The following SHCBP1L variants were observed in gnomAD, a reference collection of about 807,000 sequenced individuals.
The protein encoded by SHCBP1L is SHC binding and spindle associated 1 like.
SHCBP1L carries 67 observed loss-of-function variants against 62.5 expected under a neutral mutation model. The observed-to-expected ratio is 1.07, with a 90% CI of 0.88 to 1.31. SHCBP1L has a LOEUF of 1.31. Among genes scored for constraint, SHCBP1L ranks in the 40% most tolerant of loss-of-function variants. SHCBP1L has a pLI of 0.00. For synonymous variants in SHCBP1L, 284 were observed against 289.4 expected (o/e 0.98, Z 0.19); for missense variants, 823 against 809.8 (o/e 1.02, Z -0.20).
At chr1:182,934,478 T>G (rs1284631933) in intron 5 of SHCBP1L, among the ~76,000 whole-genome samples, 1 of 152,182 alleles carries the variant, frequency 6.6e-6, no homozygotes, top group Non-Finnish European at 1.5e-5. Context: ...TTTTTCTGTC[T>G]GTGTGTCTTC....
chr1:182,914,157 C>A (rs1043369960), intron 6 of SHCBP1L, among the ~76,000 whole-genome samples: 1 of 151,988 alleles, frequency 6.6e-6, no homozygotes, highest in Non-Finnish European at 1.5e-5. Context: ...GATAAACAAC[C>A]AAAAATTCTA....
intron 6 of SHCBP1L, among the ~76,000 whole-genome samples, chr1:182,924,779 A>G (rs1205203074): frequency 1.1e-4 from 11 of 102,408 alleles, no homozygotes; most frequent in African/African-American, 1.6e-4. Context: ...AAAGAAAGAA[A>G]GAAAGAAAGA....
At chr1:182,904,085 G>T in intron 8 of SHCBP1L, 95 bp downstream of exon 8, 2 of 1,426,850 alleles carry the variant, frequency 1.4e-6, no homozygotes, top group Non-Finnish European at 1.9e-6. Flanking sequence ...TCCACTAAAA[G>T]ATGAAGAAAT....
chr1:182,902,805 T>C (rs1354932136), intron 9 of SHCBP1L, among the ~76,000 whole-genome samples: 2 of 152,180 alleles, frequency 1.3e-5, no homozygotes, highest in Admixed American at 6.5e-5. Context: ...GAAAAATCTA[T>C]CCCATTTCTC....
intron 6 of SHCBP1L, among the ~76,000 whole-genome samples, chr1:182,927,103 T>C (rs1278225616): frequency 4.2e-5 from 2 of 47,404 alleles, no homozygotes; most frequent in African/African-American, 1.4e-4. Context: ...TATATATATA[T>C]ATATATATAT....
chr1:182,941,667 T>C (rs1198979818), intron 2 of SHCBP1L, among the ~76,000 whole-genome samples: 1 of 152,194 alleles, frequency 6.6e-6, no homozygotes, highest in Non-Finnish European at 1.5e-5. Context: ...GGGAGAGCCA[T>C]GATCAAAGAG....
chr1:182,930,549 GTGTA>G (rs1215084749), intron 5 of SHCBP1L, among the ~76,000 whole-genome samples: 1 of 48,840 alleles, frequency 2.0e-5, no homozygotes, highest in African/African-American at 1.8e-4. Flanking sequence ...TTTAGTGTGT[GTGTA>G]TATATATATA....
At chr1:182,944,979 G>C (rs933681571) in intron 2 of SHCBP1L, among the ~76,000 whole-genome samples, 1 of 22,722 alleles carries the variant, frequency 4.4e-5, no homozygotes, top group Non-Finnish European at 9.5e-5. Flanking sequence ...TTTTTTTTTT[G>C]AGACGGAGCC....
At chr1:182,930,695 G>GTATA (rs1650961582) in intron 5 of SHCBP1L, among the ~76,000 whole-genome samples, 3 of 74,608 alleles carry the variant, frequency 4.0e-5, no homozygotes, top group African/African-American at 2.6e-4. Flanking sequence ...GTGTGTGTGT[G>GTATA]TGTGTGTGTA....
intron 6 of SHCBP1L, among the ~76,000 whole-genome samples, chr1:182,918,638 T>C (rs1650433656): frequency 6.6e-6 from 1 of 152,184 alleles, no homozygotes; most frequent in Non-Finnish European, 1.5e-5. Context: ...GCCTTTTTTT[T>C]GAAGAAATGA....
intron 5 of SHCBP1L, among the ~76,000 whole-genome samples, chr1:182,931,090 T>C (rs1007616549): frequency 2.0e-5 from 3 of 152,080 alleles, no homozygotes; most frequent in African/African-American, 4.8e-5. Context: ...GGAAACTTTC[T>C]AATAATTTTC....
In SHCBP1L at chr1:182,907,847, G is replaced by A. The variant is rs193300211; in HGVS notation, c.1183-2198C>T. ...ACCCGCCTTGGTCTCCCAAAGTGCT[G>A]GGATTACAGGCGTGAGCCACTGCAC... On this transcript the variant is annotated intron_variant, in intron 6 of 9. Coordinates refer to ENST00000367547, the MANE Select transcript of SHCBP1L (RefSeq NM_030933.4). 1.5e-3 allele frequency among the ~76,000 whole-genome samples: 227 copies of A among 152,240 alleles called. 2 individuals carry two copies. Among genetic ancestry groups the A allele is most frequent in the African/African-American group, 5.2e-3 (218 of 41,540 alleles).
At chr1:182,951,862 GA>G (rs1329073373) in intron 1 of SHCBP1L, 17 of 327,736 alleles carry the variant, frequency 5.2e-5, no homozygotes, top group African/African-American at 3.9e-4. Context: ...TTCTATAAAA[GA>G]AAGTCATGCC....
rs914896015 is a variant in SHCBP1L, at chr1:182,944,075, C to T, written c.556-3532G>A. 2.7e-5 allele frequency among the ~76,000 whole-genome samples: 4 copies of T among 150,432 alleles called. No individual in the cohort carries two copies. The East Asian group carries it at 6.0e-4, about 23-fold the overall frequency. ...GGTGGAGGTTGCAGTGAGCCGAGAT[C>T]GCGCCACTGCACTCCAGCCTGGGCA... On this transcript the variant is annotated intron_variant, in intron 2 of 9. Transcript: ENST00000367547.
chr1:182,924,297 ATTTT>A (rs1216759641), intron 6 of SHCBP1L, among the ~76,000 whole-genome samples: 1 of 137,416 alleles, frequency 7.3e-6, no homozygotes, highest in Non-Finnish European at 1.6e-5. Context: ...AGAAGAATCA[ATTTT>A]TTTTTTTTTT....
Position 182,952,959 on chromosome 1 carries a change from C to T in SHCBP1L, c.175G>A (p.Gly59Arg). 1 of 1,547,282 alleles carries T rather than the reference C, an allele frequency of 6.5e-7. No homozygotes were observed. The highest frequency in any genetic ancestry group is 8.7e-7 in the Non-Finnish European group (1 of 1,148,748). The change falls in exon 1 of 10, where the codon GGG becomes AGG. Residue 59 changes from glycine (G) to arginine (R), a missense_variant. Transcript: ENST00000367547. The stretch of plus-strand genomic sequence containing the variant: ...CTGGCCGTCTCCCGGCCCGCTTTCC[C>T]CTTCACCGGGCGAGGGGAGGCCACC... The part of the protein sequence containing the change: ...SVVASPRPVK[G>R]KAGRETARLR...
chr1:182,953,162 C>T lies in SHCBP1L; in HGVS notation c.-29G>A. 6.4e-7 allele frequency: 1 copy of T among 1,569,114 alleles called. No individual in the cohort carries two copies. Among genetic ancestry groups the T allele is most frequent in the South Asian group, 1.2e-5 (1 of 86,902 alleles). On this transcript the variant is annotated 5_prime_UTR_variant, in exon 1 of 10. Coordinates refer to ENST00000367547, the MANE Select transcript of SHCBP1L (RefSeq NM_030933.4). ...CTCAGCAGCCCGAGGGCCGAGGCAGCCGTTGGCCACTTTTCCCGCCCTCGG... is the reference window on the plus strand; with the variant it reads ...CTCAGCAGCCCGAGGGCCGAGGCAGTCGTTGGCCACTTTTCCCGCCCTCGG...
At chr1:182,948,412 A>G (rs1034247574) in intron 2 of SHCBP1L, among the ~76,000 whole-genome samples, 2 of 152,216 alleles carry the variant, frequency 1.3e-5, no homozygotes, top group Non-Finnish European at 2.9e-5. Flanking sequence ...TCACGAGTCT[A>G]TTAAAAGGGG....
At chr1:182,929,559 T>C (rs1650892422) in intron 6 of SHCBP1L, 88 bp downstream of exon 6, 3 of 701,812 alleles carry the variant, frequency 4.3e-6, no homozygotes, top group South Asian at 4.9e-5. Context: ...CATTAATGAT[T>C]AGACAAGGAC....
Sources: gnomAD v4.1 joint callset for allele counts (sites outside exome capture counted in the v4.1 genomes callset) on GRCh38, gnomAD v4.1.1 for gene constraint, MANE v1.5 for transcripts, NCBI Gene and HGNC (gene_info 2026-07-23, HGNC 2026-07-21) for gene names.